Variants in ADAM9 observed in about 807,000 individuals in gnomAD.
The protein encoded by ADAM9 is ADAM metallopeptidase domain 9.
A neutral mutation model predicts 108.1 loss-of-function variants in ADAM9; 54 were observed. The ratio of observed to expected loss-of-function variants is 0.50; its 90% confidence interval spans 0.40 to 0.63. The LOEUF (loss-of-function observed/expected upper bound fraction) is 0.63, where lower values mean the gene tolerates loss of function less well. Among genes scored for constraint, ADAM9 ranks in the 20% least tolerant of loss-of-function variants. The pLI, the probability that ADAM9 is intolerant of heterozygous loss-of-function variation, is 0.00. For missense variants in ADAM9, 830 were observed against 997.7 expected, an observed-to-expected ratio of 0.83 and a Z score of 2.26; for synonymous variants, 316 against 336.0, an observed-to-expected ratio of 0.94 and a Z score of 0.65.
chr8:39,055,625 G>T lies in ADAM9; in HGVS notation c.1444G>T (p.Val482Phe). 2 of 1,613,752 alleles carry T rather than the reference G, an allele frequency of 1.2e-6. No individual in the cohort carries two copies. The highest frequency in any genetic ancestry group is 2.2e-5 in the South Asian group (2 of 91,066). The change falls in exon 14 of 22, where the codon GTT becomes TTT. Residue 482 changes from valine (V) to phenylalanine (F), a missense_variant. By Grantham distance (50) the Val-to-Phe change is conservative. Around this residue, in one of 3 missense-constraint regions of ADAM9, gnomAD observed 381 missense variants for 539.8 expected, o/e 0.71. Coordinates refer to ENST00000487273, the MANE Select transcript of ADAM9 (RefSeq NM_003816.3). ...CCGAGGAAAAACCAGTGAGTGTGATGTTCCAGAGTACTGCAATGGTTCTTC... is the reference window on the plus strand; with the variant it reads ...CCGAGGAAAAACCAGTGAGTGTGATTTTCCAGAGTACTGCAATGGTTCTTC... ...LCRGKTSECD[V>F]PEYCNGSSQF...
chr8:39,041,745 GA>G (rs1157593773), intron 11 of ADAM9, among the ~76,000 whole-genome samples, 200 bp from the exon 12 acceptor site: 1 of 152,156 alleles, frequency 6.6e-6, no homozygotes, highest in Non-Finnish European at 1.5e-5. Flanking sequence ...TATATTGTAA[GA>G]AAAGTGAATT....
At position 39,046,497 on chromosome 8, in the gene ADAM9, T is replaced by G. The variant is rs75767008; in HGVS notation, c.1302+4380T>G. Among the ~76,000 whole-genome samples the G allele has an allele frequency of 3.6e-4, 55 of 152,320 alleles. 2 individuals carry two copies. The East Asian group carries it at 0.01, about 29-fold the overall frequency. ...CTGGCTAGGACTTCCAATACTAAGT[T>G]GAATAGAAGTGGCGAGATTGGGCAT... On this transcript the variant is annotated intron_variant, in intron 12 of 21. Transcript: ENST00000487273.
chr8:39,012,349 A>G (rs1836381926), intron 3 of ADAM9, among the ~76,000 whole-genome samples: 1 of 152,224 alleles, frequency 6.6e-6, no homozygotes, highest in Non-Finnish European at 1.5e-5. Flanking sequence ...TCTCTAGTCA[A>G]TATAGACAGG....
At chr8:39,100,771 CT>C (rs1839667642) in intron 20 of ADAM9, among the ~76,000 whole-genome samples, 1 of 152,176 alleles carries the variant, frequency 6.6e-6, no homozygotes, top group Admixed American at 6.5e-5. Context: ...AGTCATAGAA[CT>C]TTAGGAGTTA....
intron 20 of ADAM9, among the ~76,000 whole-genome samples, chr8:39,094,278 T>A (rs984629833): frequency 6.6e-6 from 1 of 152,238 alleles, no homozygotes; most frequent in African/African-American, 2.4e-5. Context: ...TAAATCCCAC[T>A]TGGTCATTGG....
intron 12 of ADAM9, among the ~76,000 whole-genome samples, chr8:39,053,977 G>A (rs1838034453): frequency 6.6e-6 from 1 of 152,122 alleles, no homozygotes; most frequent in South Asian, 2.1e-4. Flanking sequence ...GGTTAAACGA[G>A]GTCATAAGGA....
rs111215876 is a variant in ADAM9 at position 39,045,341 on chromosome 8, T to C, written c.1302+3224T>C. ...ACCTATACATGTGTGTGTACACCTATACATGTGTGTACATACATATAGGTG... is the reference window on the plus strand; with the variant it reads ...ACCTATACATGTGTGTGTACACCTACACATGTGTGTACATACATATAGGTG... On this transcript the variant is annotated intron_variant, in intron 12 of 21. Transcript: ENST00000487273. Among the ~76,000 whole-genome samples the C allele has an allele frequency of 3.3e-3, 476 of 142,914 alleles. 26 individuals are homozygous for C. The highest frequency in any genetic ancestry group is 9.7e-3 in the African/African-American group (361 of 37,214). The allele number at this position is 142,914 out of a possible 152,430, so 93.8% of individuals were successfully genotyped here.
intron 2 of ADAM9, 113 bp from the exon 3 acceptor site, chr8:39,011,545 A>G: frequency 5.3e-6 from 5 of 942,114 alleles, no homozygotes; most frequent in Admixed American, 1.9e-5. Context: ...TAGTTCAGCC[A>G]ATACCAAATT....
intron 9 of ADAM9, among the ~76,000 whole-genome samples, chr8:39,024,474 G>A (rs956943860): frequency 2.0e-5 from 3 of 152,134 alleles, no homozygotes; most frequent in Non-Finnish European, 4.4e-5. Flanking sequence ...GTTTACAGTT[G>A]AGAATGGGGT....
intron 11 of ADAM9, among the ~76,000 whole-genome samples, chr8:39,033,899 A>C (rs76765229): frequency 6.6e-6 from 1 of 152,170 alleles, no homozygotes; most frequent in Non-Finnish European, 1.5e-5. Context: ...GGATGTTCCA[A>C]TTACCCTGAT....
chr8:39,084,503 C>T (rs1471754546), intron 18 of ADAM9, among the ~76,000 whole-genome samples: 1 of 151,148 alleles, frequency 6.6e-6, no homozygotes, highest in Non-Finnish European at 1.5e-5. Context: ...TTTGAAATAC[C>T]TGTGGATTTT....
chr8:39,034,636 A>G (rs1837210164), intron 11 of ADAM9, among the ~76,000 whole-genome samples: 2 of 151,904 alleles, frequency 1.3e-5, no homozygotes, highest in African/African-American at 4.8e-5. Flanking sequence ...TTTTGAGGAT[A>G]TTTTTGTTGA....
chr8:39,078,579 C>A (rs997430767), intron 16 of ADAM9, among the ~76,000 whole-genome samples: 5 of 152,040 alleles, frequency 3.3e-5, no homozygotes, highest in Admixed American at 6.5e-5. Context: ...GTCAGGAGTT[C>A]GAGACTAGCC....
At chr8:39,045,371 T>TACAC (rs1255532208) in intron 12 of ADAM9, among the ~76,000 whole-genome samples, 1 of 73,822 alleles carries the variant, frequency 1.4e-5, no homozygotes, top group East Asian at 5.4e-4. Flanking sequence ...TAGGTGTGTG[T>TACAC]ACATACACCT....
At chr8:39,054,602 G>GAAAAAA (rs755442483) in intron 13 of ADAM9, 29 bp downstream of exon 13, 499 of 945,672 alleles carry the variant, frequency 5.3e-4, no homozygotes, top group South Asian at 1.7e-3. Flanking sequence ...TTGGAAACAG[G>GAAAAAA]AAAAAAAAAA....
intron 11 of ADAM9, among the ~76,000 whole-genome samples, chr8:39,028,599 T>C (rs1837000641): frequency 6.6e-6 from 1 of 152,152 alleles, no homozygotes; most frequent in African/African-American, 2.4e-5. Context: ...GAATTTAATA[T>C]GGTATAGGAA....
chr8:39,030,689 A>T (rs1304697210), intron 11 of ADAM9, among the ~76,000 whole-genome samples: 5 of 152,222 alleles, frequency 3.3e-5, no homozygotes, highest in African/African-American at 2.4e-5. Context: ...CTTCCAAAGT[A>T]GCTATACCAT....
chr8:39,070,643 A>G (rs1588409476), intron 14 of ADAM9, among the ~76,000 whole-genome samples: 1 of 151,906 alleles, frequency 6.6e-6, no homozygotes, highest in African/African-American at 2.4e-5. Context: ...CTGTAGTTCT[A>G]GCTGTTTGGG....
chr8:39,066,453 G>C (rs183956176), intron 14 of ADAM9, among the ~76,000 whole-genome samples: 1 of 152,210 alleles, frequency 6.6e-6, no homozygotes, highest in Non-Finnish European at 1.5e-5. Context: ...TCTAAATGGC[G>C]TGAGATGGTA....
Sources: allele counts gnomAD v4.1 joint callset (sites outside exome capture counted in the v4.1 genomes callset), GRCh38; gene constraint gnomAD v4.1.1; regional missense constraint gnomAD v4.1.1; transcripts MANE v1.5; gene names NCBI Gene and HGNC (gene_info 2026-07-23, HGNC 2026-07-21).